Variants in CSMD3 observed in about 807,000 individuals in gnomAD.
CSMD3 encodes CUB and sushi domain-containing protein 3.
Under a neutral mutation model 435.2 loss-of-function variants are expected in CSMD3, and 177 were observed. The observed-to-expected ratio is 0.41, with a 90% confidence interval of 0.36 to 0.46. CSMD3 has a LOEUF of 0.46. CSMD3 is among the 20% of genes least tolerant of loss of function. CSMD3 has a pLI of 0.34. For synonymous variants in CSMD3, 1,656 were observed against 1,520.5 expected (o/e 1.09, Z -2.07); for missense variants, 4,265 against 4,504.6 (o/e 0.95, Z 1.52).
chr8:112,913,749 G>A (rs1276239715), intron 10 of CSMD3, among the ~76,000 whole-genome samples: 1 of 148,720 alleles, frequency 6.7e-6, no homozygotes, highest in Non-Finnish European at 1.5e-5. Flanking sequence ...TTTATACTTA[G>A]TTGTCTCTAT....
At chr8:112,642,421 G>A (rs560089466) in intron 20 of CSMD3, among the ~76,000 whole-genome samples, 80 of 152,116 alleles carry the variant, frequency 5.3e-4, no homozygotes, top group Non-Finnish European at 1.1e-3. Context: ...AACTGAGTTT[G>A]AAACTACTGA....
chr8:112,874,660 CTTCT>C (rs1468698816), intron 10 of CSMD3, among the ~76,000 whole-genome samples: 1 of 152,038 alleles, frequency 6.6e-6, no homozygotes, highest in Admixed American at 6.6e-5. Context: ...ATGTAATGTC[CTTCT>C]TTGTCTTTTT....
At position 112,383,613 on chromosome 8, in the gene CSMD3, A is replaced by G. The variant is rs1829675508; in HGVS notation, c.5985T>C (p.Phe1995=). The change falls in exon 37 of 71, where the codon TTT becomes TTC. Residue 1995 remains phenylalanine (F), a synonymous_variant. Transcript: ENST00000297405. The stretch of plus-strand genomic sequence containing the variant: ...GAGCATTGTTGTCTCCCCCATCATA[A>G]AAGTCCAGAGAATCCCAATTATGTT... ...ATEHNWDSLD[F]YDGGDNNAPR... 1 of 1,610,034 alleles carries G rather than the reference A, an allele frequency of 6.2e-7. No homozygotes were observed. The highest frequency in any genetic ancestry group is 2.2e-5 in the East Asian group (1 of 44,756).
intron 31 of CSMD3, among the ~76,000 whole-genome samples, chr8:112,477,789 G>C (rs1053598336): frequency 6.6e-6 from 1 of 152,084 alleles, no homozygotes; most frequent in Admixed American, 6.5e-5. Context: ...ACCTAGTCTC[G>C]AATATTCCTT....
intron 1 of CSMD3, among the ~76,000 whole-genome samples, chr8:113,413,994 G>A (rs1013192668): frequency 6.6e-6 from 1 of 152,150 alleles, no homozygotes; most frequent in African/African-American, 2.4e-5. Context: ...CTTGAAAATA[G>A]GAAACAGAAG....
At chr8:113,389,224 A>G (rs2133143508) in intron 1 of CSMD3, among the ~76,000 whole-genome samples, 1 of 151,782 alleles carries the variant, frequency 6.6e-6, no homozygotes, top group East Asian at 1.9e-4. Flanking sequence ...TGCACTTTAA[A>G]TTGAATACTT....
chr8:112,254,180 G>T, intron 63 of CSMD3, 73 bp downstream of exon 63: 1 of 1,006,546 alleles, frequency 9.9e-7, no homozygotes, highest in Non-Finnish European at 1.6e-6. Context: ...ATGTCAACAA[G>T]ATTATATGCA....
At chr8:113,170,239 T>A (rs2131873525) in intron 4 of CSMD3, among the ~76,000 whole-genome samples, 1 of 152,244 alleles carries the variant, frequency 6.6e-6, no homozygotes, top group East Asian at 1.9e-4. Flanking sequence ...TCTTTGGAAA[T>A]GAATGACAAC....
chr8:113,290,092 G>A (rs1258912090), intron 2 of CSMD3, among the ~76,000 whole-genome samples: 1 of 151,636 alleles, frequency 6.6e-6, no homozygotes, highest in East Asian at 1.9e-4. Flanking sequence ...AATAATCTTT[G>A]TGATATGTTC....
chr8:113,368,142 A>C (rs1237334968), intron 1 of CSMD3, among the ~76,000 whole-genome samples: 1 of 152,150 alleles, frequency 6.6e-6, no homozygotes, highest in Non-Finnish European at 1.5e-5. Context: ...TTTGGCTCAA[A>C]ATGGCATAAT....
At chr8:112,848,853 A>G (rs977199765) in intron 11 of CSMD3, among the ~76,000 whole-genome samples, 1 of 152,050 alleles carries the variant, frequency 6.6e-6, no homozygotes, top group African/African-American at 2.4e-5. Flanking sequence ...GAAGCTCCAG[A>G]GTGAATTTTT....
chr8:112,339,942 GA>G (rs1212574185), intron 42 of CSMD3, among the ~76,000 whole-genome samples: 1 of 152,064 alleles, frequency 6.6e-6, no homozygotes, highest in Non-Finnish European at 1.5e-5. Context: ...CAGTAACAGT[GA>G]AAAAAGTTTA....
intron 22 of CSMD3, among the ~76,000 whole-genome samples, chr8:112,635,778 A>T (rs1043902038): frequency 6.6e-6 from 1 of 152,152 alleles, no homozygotes; most frequent in Non-Finnish European, 1.5e-5. Context: ...TATATTGGAC[A>T]ATATATTGAA....
chr8:112,989,334 A>G (rs2085364754), intron 6 of CSMD3, among the ~76,000 whole-genome samples: 1 of 151,934 alleles, frequency 6.6e-6, no homozygotes, highest in Non-Finnish European at 1.5e-5. Flanking sequence ...TCACTTGGGC[A>G]TTTCACTTTA....
chr8:112,816,808 T>G (rs2132414660), intron 12 of CSMD3, among the ~76,000 whole-genome samples: 1 of 151,790 alleles, frequency 6.6e-6, no homozygotes, highest in African/African-American at 2.4e-5. Flanking sequence ...ATTAAAATAC[T>G]ATTAAATTCA....
intron 27 of CSMD3, among the ~76,000 whole-genome samples, chr8:112,518,411 G>A (rs1029877433): frequency 1.3e-5 from 2 of 152,064 alleles, no homozygotes; most frequent in African/African-American, 4.8e-5. Context: ...GAGAGGCTGA[G>A]TTGAGAGGAC....
chr8:112,437,354 C>T (rs923292132), intron 32 of CSMD3, among the ~76,000 whole-genome samples: 7 of 151,970 alleles, frequency 4.6e-5, no homozygotes, highest in Non-Finnish European at 1.0e-4. Flanking sequence ...AAGAGTAAAA[C>T]AGTAGTTCAA....
intron 4 of CSMD3, among the ~76,000 whole-genome samples, chr8:113,111,262 G>T (rs1300604698): frequency 6.6e-6 from 1 of 152,064 alleles, no homozygotes; most frequent in Non-Finnish European, 1.5e-5. Flanking sequence ...ATGGGGTACA[G>T]CGTGATGTTT....
chr8:112,922,069 T>G (rs2082760368), intron 9 of CSMD3, among the ~76,000 whole-genome samples: 1 of 152,056 alleles, frequency 6.6e-6, no homozygotes, highest in Non-Finnish European at 1.5e-5. Flanking sequence ...TATTACGGTG[T>G]TTTTCTGGCA....
Sources: gnomAD v4.1 joint callset for allele counts (sites outside exome capture counted in the v4.1 genomes callset) on GRCh38, gnomAD v4.1.1 for gene constraint, MANE v1.5 for transcripts, NCBI Gene and HGNC (gene_info 2026-07-23, HGNC 2026-07-21) for gene names.